Variants in WDFY4 observed in about 807,000 individuals in gnomAD.
The protein encoded by WDFY4 is WD repeat- and FYVE domain-containing protein 4.
Under a neutral mutation model 351.9 loss-of-function variants are expected in WDFY4, and 169 were observed. The observed-to-expected ratio is 0.48, with a 90% CI of 0.42 to 0.55. The LOEUF (loss-of-function observed/expected upper bound fraction) is 0.55, where lower values mean the gene tolerates loss of function less well. WDFY4 is among the 20% of genes least tolerant of loss of function. WDFY4 has a pLI of 0.00. For missense variants in WDFY4, 3,803 were observed against 3,935.6 expected (o/e 0.97, Z 0.90); for synonymous variants, 1,622 against 1,574.6 (o/e 1.03, Z -0.71).
At chr10:48,786,596 T>G in intron 19 of WDFY4, 43 bp from the exon 20 acceptor site, 2 of 1,433,896 alleles carry the variant, frequency 1.4e-6, no homozygotes, top group Non-Finnish European at 1.9e-6. Flanking sequence ...TGATTAACTC[T>G]GAGATCAAAC....
chr10:48,856,295 T>A (rs376655040), intron 39 of WDFY4, among the ~76,000 whole-genome samples: 18 of 152,146 alleles, frequency 1.2e-4, no homozygotes, highest in Non-Finnish European at 2.6e-4. Flanking sequence ...CAACAGAATA[T>A]GAAAAGTTGA....
chr10:48,708,498 A>G (rs2063689805), intron 1 of WDFY4, among the ~76,000 whole-genome samples: 1 of 152,182 alleles, frequency 6.6e-6, no homozygotes, highest in Non-Finnish European at 1.5e-5. Context: ...GGTAATGTTG[A>G]GTTTGGTGAG....
chr10:48,704,436 G>A (rs751729888), intron 1 of WDFY4, among the ~76,000 whole-genome samples: 22 of 152,234 alleles, frequency 1.4e-4, no homozygotes, highest in Middle Eastern at 3.4e-3. Flanking sequence ...CAGCACGGCC[G>A]GCAGGGAGGA....
chr10:48,722,539 C>T (rs1270958901), intron 4 of WDFY4, among the ~76,000 whole-genome samples: 1 of 152,188 alleles, frequency 6.6e-6, no homozygotes, highest in African/African-American at 2.4e-5. Flanking sequence ...CCAGACTGTA[C>T]ATTCGTCCTT....
Position 48,805,990 on chromosome 10 carries a change from C to T in WDFY4, c.4647-14C>T. On this transcript the variant is annotated splice_polypyrimidine_tract_variant and intron_variant, in intron 26 of 61. Transcript: ENST00000325239. ...CCCGCCTGCGAGCCTGTCCTTCTCTCCCTGTGTATAAAGGATTGGGCTGTT... is the reference window on the plus strand; with the variant it reads ...CCCGCCTGCGAGCCTGTCCTTCTCTTCCTGTGTATAAAGGATTGGGCTGTT... 8.4e-6 allele frequency: 13 copies of T among 1,551,544 alleles called. No homozygotes were observed. Among genetic ancestry groups the T allele is most frequent in the Non-Finnish European group, 1.1e-5 (13 of 1,146,806 alleles).
rs548871164 is a variant in WDFY4 at position 48,939,157 on chromosome 10, G to C, written c.7587-2649G>C. On this transcript the variant is annotated intron_variant, in intron 47 of 61. Coordinates refer to ENST00000325239, the MANE Select transcript of WDFY4 (RefSeq NM_001394531.1). Reference sequence around the variant, plus strand: ...ACAATTCTAAGGTCACTCAGAGGGGGACTGGCAGAGCCAAGAAGGTCTTGA... The same window carrying C: ...ACAATTCTAAGGTCACTCAGAGGGGCACTGGCAGAGCCAAGAAGGTCTTGA... 1.8e-4 allele frequency among the ~76,000 whole-genome samples: 28 copies of C among 152,316 alleles called. 1 individual carries two copies. In the South Asian group the frequency reaches 4.3e-3, roughly 24 times the overall value.
Position 48,832,633 on chromosome 10 carries a change from T to C in WDFY4, c.6587T>C (p.Leu2196Ser), listed in dbSNP as rs1026613296. 9.1e-5 allele frequency: 141 copies of C among 1,551,216 alleles called. No individual in the cohort carries two copies. The highest frequency in any genetic ancestry group is 1.2e-4 in the Non-Finnish European group (132 of 1,146,700). Residue 2196 changes from leucine (L) to serine (S), a missense_variant, in exon 39 of 62, where the codon TTG (leucine) becomes TCG (serine). Around this residue, in one of 3 missense-constraint regions of WDFY4, gnomAD observed 3,054 missense variants for 3,148.6 expected, o/e 0.97. Transcript: ENST00000325239. ...SNVAHHSKVT[L>S]WSGSLSSAMK... ...GTTGCACACCACAGCAAAGTCACTT[T>C]GTGGAGTGGAAGCCTGTCCTCAGCC...
rs1157829139 is a variant in WDFY4 at position 48,969,392 on chromosome 10, G to A, written c.8769+144G>A. The stretch of plus-strand genomic sequence containing the variant: ...TGTGCTGCCAGCCTGGGCGGGAAAG[G>A]ACTCAGTGACCATGCAAAGGCCCTC... On this transcript the variant is annotated intron_variant, in intron 56 of 61. Coordinates refer to ENST00000325239, the MANE Select transcript of WDFY4 (RefSeq NM_001394531.1). 2.9e-6 allele frequency: 3 copies of A among 1,051,920 alleles called. No individual in the cohort carries two copies. The African/African-American group carries it at 4.8e-5, about 17-fold the overall frequency. 65.2% of individuals were successfully genotyped at this position (1,051,920 alleles called of 1,614,324 possible).
At chr10:48,914,844 A>AT (rs927578371) in intron 47 of WDFY4, among the ~76,000 whole-genome samples, 4 of 152,206 alleles carry the variant, frequency 2.6e-5, no homozygotes, top group African/African-American at 7.2e-5. Flanking sequence ...CAGCAGCACC[A>AT]TAACTCCCCA....
chr10:48,886,143 T>C (rs1056401123), intron 43 of WDFY4, among the ~76,000 whole-genome samples: 3 of 152,204 alleles, frequency 2.0e-5, no homozygotes, highest in African/African-American at 7.2e-5. Context: ...GCTGGGTACC[T>C]TCAGTCACCT....
At position 48,760,381 on chromosome 10, in the gene WDFY4, G is replaced by T; in HGVS notation, c.2494G>T (p.Gly832Trp). The change falls in exon 13 of 62, where the codon GGG becomes TGG. Residue 832 changes from glycine to tryptophan, a missense_variant. Coordinates refer to ENST00000325239, the MANE Select transcript of WDFY4 (RefSeq NM_001394531.1). The stretch of plus-strand genomic sequence containing the variant: ...GGGAGATGCTGCAATCATGCATCCC[G>T]GGGTCGTGTGCATCATGGTGAGGCT... ...DEGDAAIMHP[G>W]VVCIMVRLLP... 6.4e-7 allele frequency: 1 copy of T among 1,551,628 alleles called. No homozygotes were observed. Among genetic ancestry groups the T allele is most frequent in the Non-Finnish European group, 8.7e-7 (1 of 1,146,982 alleles).
intron 25 of WDFY4, among the ~76,000 whole-genome samples, 156 bp downstream of exon 25, chr10:48,803,515 T>A (rs1028304995): frequency 1.3e-5 from 2 of 151,848 alleles, no homozygotes; most frequent in Non-Finnish European, 2.9e-5. Context: ...TGTGGGGCAG[T>A]CTCCTCTCAT....
chr10:48,730,983 G>A, intron 8 of WDFY4, 127 bp from the exon 9 acceptor site: 1 of 1,084,172 alleles, frequency 9.2e-7, no homozygotes, highest in Non-Finnish European at 1.3e-6. Flanking sequence ...ACTTCTGATG[G>A]ACATGTGCCC....
intron 51 of WDFY4, among the ~76,000 whole-genome samples, chr10:48,952,699 CAGCA>C (rs1841386250): frequency 6.6e-6 from 1 of 152,112 alleles, no homozygotes. Context: ...AGCGTGGTTT[CAGCA>C]AGTCTTGACG....
At chr10:48,799,168 T>TACCCC (rs1215174660) in intron 24 of WDFY4, among the ~76,000 whole-genome samples, 2 of 148,688 alleles carry the variant, frequency 1.3e-5, no homozygotes, top group African/African-American at 4.9e-5. Flanking sequence ...GACACCACCC[T>TACCCC]ACCCCACCCC....
intron 57 of WDFY4, 84 bp from the exon 58 acceptor site, chr10:48,974,778 C>T: frequency 1.4e-5 from 19 of 1,373,282 alleles, no homozygotes; most frequent in Non-Finnish European, 1.8e-5. Context: ...TCATCCAGCA[C>T]CCAGCTTTAT....
At chr10:48,818,811 A>G (rs2067709598) in intron 32 of WDFY4, among the ~76,000 whole-genome samples, 1 of 152,252 alleles carries the variant, frequency 6.6e-6, no homozygotes, top group Non-Finnish European at 1.5e-5. Flanking sequence ...AAAGTAAGAT[A>G]AAAAAGCAAA....
At chr10:48,966,386 T>G in intron 54 of WDFY4, 140 bp from the exon 55 acceptor site, 1 of 869,668 alleles carries the variant, frequency 1.1e-6, no homozygotes. Context: ...GGACCAGAGG[T>G]TCTGTTCATG....
chr10:48,685,660 A>C (rs929207331), intron 1 of WDFY4, among the ~76,000 whole-genome samples: 28 of 152,180 alleles, frequency 1.8e-4, no homozygotes, highest in Non-Finnish European at 3.2e-4. Context: ...TTTCCCCTGA[A>C]ATGAAACTTC....
Sources: allele counts gnomAD v4.1 joint callset (sites outside exome capture counted in the v4.1 genomes callset), GRCh38; gene constraint gnomAD v4.1.1; regional missense constraint gnomAD v4.1.1; transcripts MANE v1.5; gene names NCBI Gene and HGNC (gene_info 2026-07-23, HGNC 2026-07-21).